Variants in MUC5AC observed in about 807,000 individuals in gnomAD.
MUC5AC encodes mucin 5AC, oligomeric mucus/gel-forming.
In MUC5AC, 158 loss-of-function variants were observed where a neutral mutation model predicts 169.7. That is an observed-to-expected ratio of 0.93 (90% CI 0.82 to 1.06). MUC5AC has a LOEUF of 1.06. MUC5AC is among the 50% of genes least tolerant of loss of function. The pLI is 0.00. For missense variants in MUC5AC, 4,359 were observed against 3,089.9 expected (o/e 1.41, Z -9.74); for synonymous variants, 1,975 against 1,237.0 (o/e 1.60, Z -12.52).
intron 1 of MUC5AC, 133 bp downstream of exon 1, chr11:1,158,205 C>T (rs192872224): frequency 2.5e-6 from 2 of 791,746 alleles, no homozygotes; most frequent in Non-Finnish European, 3.9e-6. Context: ...AGCATAGCCC[C>T]TGACTGTGGC....
At position 1,186,847 on chromosome 11, in the gene MUC5AC, C is replaced by A. The variant is rs1376852781; in HGVS notation, c.8702C>A (p.Thr2901Asn). The A allele has an allele frequency of 1.6e-5, 12 of 733,576 alleles. No homozygotes were observed. Among genetic ancestry groups the A allele is most frequent in the Non-Finnish European group, 3.0e-5 (12 of 401,908 alleles). The allele number at this position is 733,576 out of a possible 1,614,324, so 45.4% of individuals were successfully genotyped here. A position where few individuals can be genotyped will look rare whatever the true frequency, so the allele number is the denominator to read the frequency against. Reference protein sequence around the residue: ...STTSAPTTRTTSAPTTSTTSA... With the variant: ...STTSAPTTRTNSAPTTSTTSA... Reference sequence around the variant, plus strand: ...ACCTCTGCTCCTACAACCAGAACAACCTCTGCTCCTACAACCAGCACAACC... The same window carrying A: ...ACCTCTGCTCCTACAACCAGAACAAACTCTGCTCCTACAACCAGCACAACC... Residue 2901 changes from threonine to asparagine, a missense_variant, in exon 31 of 49, where the codon ACC becomes AAC. Thr to Asn is a moderately conservative substitution (Grantham distance 65). Transcript: ENST00000621226.
In MUC5AC at chr11:1,185,071, G is replaced by A. The variant is rs1860901706; in HGVS notation, c.6926G>A (p.Ser2309Asn). Residue 2309 changes from serine (S) to asparagine (N), a missense_variant, in exon 31 of 49, where the codon AGC (serine) becomes AAC (asparagine). Ser to Asn is a conservative substitution (Grantham distance 46). Transcript: ENST00000621226. ...ACCTCTGGTCCTGGAAATACTCCCA[G>A]CCCTGTTCCTACCACCAGCACAATC... ...STTSGPGNTP[S>N]PVPTTSTISA... 1.4e-6 allele frequency: 1 copy of A among 710,010 alleles called. No individual in the cohort carries two copies. The highest frequency in any genetic ancestry group is 1.8e-5 in the African/African-American group (1 of 56,324). 44.0% of individuals were successfully genotyped at this position (710,010 alleles called of 1,614,324 possible).
chr11:1,165,546 G>A, intron 10 of MUC5AC, 76 bp from the exon 11 acceptor site: 3 of 1,595,734 alleles, frequency 1.9e-6, no homozygotes, highest in Non-Finnish European at 2.6e-6. Context: ...GTGAGACCCG[G>A]TCAGCCTCCT....
chr11:1,176,151 T>C lies in MUC5AC; in HGVS notation c.2402T>C (p.Val801Ala), dbSNP rs1860680591. ...CCCCTGACGGCCCCTCCCTCCCCAG[T>C]GTGTGCTGCGCCCATGGTGTTCTTT... ...SCIGGQAPAP[V>A]CAAPMVFFDC... Residue 801 changes from valine (V) to alanine (A), a missense_variant and splice_region_variant, in exon 20 of 49, where the codon GTG (valine) becomes GCG (alanine). By Grantham distance (64) the Val-to-Ala change is moderately conservative. Coordinates refer to ENST00000621226, the MANE Select transcript of MUC5AC (RefSeq NM_001304359.2). 7.5e-6 allele frequency: 3 copies of C among 398,512 alleles called. No homozygotes were observed. The highest frequency in any genetic ancestry group is 1.3e-5 in the Non-Finnish European group (3 of 226,098). 24.7% of individuals were successfully genotyped at this position (398,512 alleles called of 1,614,324 possible). A position where few individuals can be genotyped will look rare whatever the true frequency, so the allele number is the denominator to read the frequency against.
Position 1,168,789 on chromosome 11 carries a change from C to T in MUC5AC, c.1705+10C>T, listed in dbSNP as rs911275154. The stretch of plus-strand genomic sequence containing the variant: ...CGTGGGCAGACCTGCGGTAAGAGGG[C>T]TGCCTTCTGGGCTTGGAGCCCACCC... On this transcript the variant is annotated intron_variant, in intron 14 of 48. Transcript: ENST00000621226. 2 of 1,591,624 alleles carry T rather than the reference C, an allele frequency of 1.3e-6. No individual in the cohort carries two copies. The highest frequency in any genetic ancestry group is 1.1e-5 in the South Asian group (1 of 89,350).
At chr11:1,181,481 A>C (rs1860813957) in intron 30 of MUC5AC, 22 bp downstream of exon 30, 1 of 259,498 alleles carries the variant, frequency 3.9e-6, no homozygotes, top group South Asian at 3.1e-4. Context: ...GTGGCCGAGG[A>C]GCCCCAGGGT....
Position 1,187,431 on chromosome 11 carries a change from C to G in MUC5AC, c.9286C>G (p.Pro3096Ala). Residue 3096 changes from proline to alanine, a missense_variant, in exon 31 of 49, where the codon CCA becomes GCA. By Grantham distance (27) the Pro-to-Ala change is conservative. Coordinates refer to ENST00000621226, the MANE Select transcript of MUC5AC (RefSeq NM_001304359.2). ...SAATTSTISA[P>A]TTSTTSAPTT... ...CGCTACAACCAGCACAATCTCGGCC[C>G]CAACAACCAGCACAACGTCTGCTCC... 1.4e-6 allele frequency: 1 copy of G among 730,794 alleles called. No individual in the cohort carries two copies. The highest frequency in any genetic ancestry group is 1.4e-5 in the South Asian group (1 of 69,878). The allele number at this position is 730,794 out of a possible 1,614,324, so 45.3% of individuals were successfully genotyped here.
At chr11:1,163,627 C>T (rs1244059858) in intron 6 of MUC5AC, among the ~76,000 whole-genome samples, 1 of 152,150 alleles carries the variant, frequency 6.6e-6, no homozygotes, top group Non-Finnish European at 1.5e-5. Context: ...CAGCCGGCGG[C>T]ACCCTGTGGC....
At chr11:1,181,881 G>C (rs1314044498) in intron 30 of MUC5AC, among the ~76,000 whole-genome samples, 1 of 152,242 alleles carries the variant, frequency 6.6e-6, no homozygotes, top group Non-Finnish European at 1.5e-5. Context: ...GCTTCTCTGA[G>C]AGTAGAAAGC....
In MUC5AC at chr11:1,182,712, A is replaced by G; in HGVS notation, c.4567A>G (p.Thr1523Ala). ...CACCGTGTCTCTCTCTACAGCCAGG[A>G]CGACACCTGCCCCAGGTACCGCTAC... The part of the protein sequence containing the change: ...PGTVSLSTAR[T>A]TPAPGTATSV... The change falls in exon 31 of 49, where the codon ACG becomes GCG. Residue 1523 changes from threonine (T) to alanine (A), a missense_variant. Transcript: ENST00000621226. 2.5e-6 allele frequency: 1 copy of G among 398,486 alleles called. No homozygotes were observed. The highest frequency in any genetic ancestry group is 3.6e-5 in the East Asian group (1 of 28,034). 24.7% of individuals were successfully genotyped at this position (398,486 alleles called of 1,614,324 possible). A position where few individuals can be genotyped will look rare whatever the true frequency, so the allele number is the denominator to read the frequency against.
At chr11:1,161,093 A>T (rs1860128796) in intron 2 of MUC5AC, among the ~76,000 whole-genome samples, 1 of 152,158 alleles carries the variant, frequency 6.6e-6, no homozygotes, top group South Asian at 2.1e-4. Flanking sequence ...GAGCCCGTGG[A>T]GGCCCAGCAG....
In MUC5AC at chr11:1,195,145, G is replaced by T. The variant is rs1387461108; in HGVS notation, c.15324G>T (p.Thr5108=). The change falls in exon 36 of 49, where the codon ACG becomes ACT. Residue 5108 remains threonine (T), a synonymous_variant. Transcript: ENST00000621226. ...DQPACHRPHP[T]PTTVGPTTVG... ...CAGCCTGCCACCGGCCTCACCCGAC[G>T]CCCACCACGGTCGGGCCCACCACAG... The T allele has an allele frequency of 1.3e-6, 1 of 763,820 alleles. No homozygotes were observed. Among genetic ancestry groups the T allele is most frequent in the Admixed American group, 1.7e-5 (1 of 58,986 alleles). 47.3% of individuals were successfully genotyped at this position (763,820 alleles called of 1,614,324 possible). A position where few individuals can be genotyped will look rare whatever the true frequency, so the allele number is the denominator to read the frequency against.
Position 1,197,610 on chromosome 11 carries a change from C to T in MUC5AC, c.16004C>T (p.Ala5335Val). 1 of 725,844 alleles carries T rather than the reference C, an allele frequency of 1.4e-6. No individual in the cohort carries two copies. Among genetic ancestry groups the T allele is most frequent in the Non-Finnish European group, 2.5e-6 (1 of 399,026 alleles). 45.0% of individuals were successfully genotyped at this position (725,844 alleles called of 1,614,324 possible). ...GFVPVPAAPQ[A>V]GQCCPQYSCA... ...GTGCCTGTGCCTGCAGCCCCACAGG[C>T]CGGCCAGTGCTGCCCCCAGTACAGC... Residue 5335 changes from alanine (A) to valine (V), a missense_variant, in exon 41 of 49, where the codon GCC becomes GTC. Transcript: ENST00000621226.
rs118200285 is a variant in MUC5AC at position 1,180,474 on chromosome 11, G to A, written c.3734G>A (p.Arg1245Gln). Reference protein sequence around the residue: ...PRCHVHGKSYRPGAVVPSDKN... With the variant: ...PRCHVHGKSYQPGAVVPSDKN... ...TGCCACGTCCATGGGAAGTCCTACC[G>A]GCCAGGTGCAGTGGTGCCCTCGGAC... The change falls in exon 28 of 49, where the codon CGG becomes CAG. Residue 1245 changes from arginine (R) to glutamine (Q), a missense_variant. Transcript: ENST00000621226. The A allele has an allele frequency of 1.0e-3, 400 of 398,932 alleles. 1 individual carries two copies. Among genetic ancestry groups the A allele is most frequent in the Non-Finnish European group, 5.2e-4 (117 of 226,260 alleles). The allele number at this position is 398,932 out of a possible 1,614,324, so 24.7% of individuals were successfully genotyped here.
At chr11:1,167,607 C>G (rs1175959378) in intron 11 of MUC5AC, among the ~76,000 whole-genome samples, 1 of 152,254 alleles carries the variant, frequency 6.6e-6, no homozygotes, top group Non-Finnish European at 1.5e-5. Context: ...CTGGCAGCTG[C>G]TGGCATTTGC....
intron 26 of MUC5AC, among the ~76,000 whole-genome samples, chr11:1,179,783 G>A (rs938298445): frequency 1.3e-5 from 2 of 152,160 alleles, no homozygotes; most frequent in Non-Finnish European, 2.9e-5. Flanking sequence ...TAGCCCACAC[G>A]GAGCCTTGCC....
At chr11:1,194,953 GGGGGT>G in intron 35 of MUC5AC, 54 bp from the exon 36 acceptor site, 1 of 661,242 alleles carries the variant, frequency 1.5e-6, no homozygotes, top group Non-Finnish European at 2.8e-6. Context: ...TCCCCCAGCT[GGGGGT>G]GGGGCCAGCC....
At chr11:1,162,378 T>C (rs1484588959) in intron 4 of MUC5AC, among the ~76,000 whole-genome samples, 154 bp from the exon 5 acceptor site, 1 of 151,872 alleles carries the variant, frequency 6.6e-6, no homozygotes, top group African/African-American at 2.4e-5. Flanking sequence ...TCCTAGCTCC[T>C]CGTGACCCCC....
chr11:1,194,435 ACCGC>A (rs1861205540), intron 34 of MUC5AC, 48 bp from the exon 35 acceptor site: 2 of 713,646 alleles, frequency 2.8e-6, no homozygotes, highest in African/African-American at 3.5e-5. Context: ...GCAGCGGCTG[ACCGC>A]CCGCCCGCCT....
Sources: gnomAD v4.1 joint callset for allele counts (sites outside exome capture counted in the v4.1 genomes callset) on GRCh38, gnomAD v4.1.1 for gene constraint, MANE v1.5 for transcripts, NCBI Gene and HGNC (gene_info 2026-07-23, HGNC 2026-07-21) for gene names.